Variants in ADGRL2 observed in about 807,000 individuals in gnomAD.
The protein encoded by ADGRL2 is calcium-independent alpha-latrotoxin receptor 2.
ADGRL2 carries 44 observed loss-of-function variants against 157.4 expected under a neutral mutation model. The ratio of observed to expected loss-of-function variants is 0.28; its 90% CI spans 0.22 to 0.36. ADGRL2 has a LOEUF of 0.36. Among genes scored for constraint, ADGRL2 ranks in the 10% least tolerant of loss-of-function variants. ADGRL2 has a pLI of 1.00. For missense variants in ADGRL2, 1,510 were observed against 1,768.9 expected, an observed-to-expected ratio of 0.85 and a Z score of 2.63; for synonymous variants, 585 against 624.7, an observed-to-expected ratio of 0.94 and a Z score of 0.95.
intron 1 of ADGRL2, among the ~76,000 whole-genome samples, chr1:81,703,852 TTTTG>T (rs1057038928): frequency 6.6e-6 from 1 of 152,260 alleles, no homozygotes; most frequent in African/African-American, 2.4e-5. Flanking sequence ...TAATGGGTTC[TTTTG>T]TTTGTTTGTT....
rs371079975 is a variant in ADGRL2 at position 81,767,160 on chromosome 1, T to G, written c.-101+5308T>G. Among the ~76,000 whole-genome samples the G allele has an allele frequency of 3.4e-4, 52 of 152,348 alleles. 2 individuals carry two copies. The highest frequency in any genetic ancestry group is 3.3e-3 in the East Asian group (17 of 5,186). Reference sequence around the variant, plus strand: ...ATTAAGATCTTGAGTTTCAACACTTTGAAGCACATGGCTATAATTCATTAG... The same window carrying G: ...ATTAAGATCTTGAGTTTCAACACTTGGAAGCACATGGCTATAATTCATTAG... On this transcript the variant is annotated intron_variant, in intron 2 of 20. Coordinates refer to the ADGRL2 transcript ENST00000359929.
At position 81,479,503 on chromosome 1, in the gene ADGRL2, C is replaced by T. The variant is rs2078341807; in HGVS notation, c.-248+34414C>T. Among the ~76,000 whole-genome samples the T allele has an allele frequency of 3.3e-5, 5 of 151,900 alleles. No individual in the cohort carries two copies. In the South Asian group the frequency reaches 1.0e-3, roughly 32 times the overall value. Reference sequence around the variant, plus strand: ...CTGAAAAATAAAAAAAAAGAAATTTCTTCTTAAACGCCTTTAGATACTCTG... The same window carrying T: ...CTGAAAAATAAAAAAAAAGAAATTTTTTCTTAAACGCCTTTAGATACTCTG... On this transcript the variant is annotated intron_variant, in intron 2 of 24. Transcript: ENST00000370721.
intron 2 of ADGRL2, among the ~76,000 whole-genome samples, chr1:81,791,194 G>A (rs1207306249): frequency 1.3e-5 from 2 of 151,148 alleles, no homozygotes; most frequent in East Asian, 3.9e-4. Flanking sequence ...TAAAATTTAA[G>A]GCATCTTTTA....
At position 81,938,867 on chromosome 1, in the gene ADGRL2, T is replaced by C. The variant is rs139180913; in HGVS notation, c.397+2030T>C. On this transcript the variant is annotated intron_variant, in intron 4 of 23. Transcript: ENST00000686636. Reference sequence around the variant, plus strand: ...TTTTGTTTCTTTCTACCTCTGTCCATTGTATTCATTCCTTATACTTTCTTT... The same window carrying C: ...TTTTGTTTCTTTCTACCTCTGTCCACTGTATTCATTCCTTATACTTTCTTT... Among the ~76,000 whole-genome samples the C allele has an allele frequency of 1.0e-3, 157 of 151,776 alleles. 1 individual carries two copies. The highest frequency in any genetic ancestry group is 3.6e-3 in the African/African-American group (151 of 41,526).
intron 10 of ADGRL2, among the ~76,000 whole-genome samples, chr1:81,953,591 A>G (rs936778306): frequency 1.3e-5 from 2 of 152,172 alleles, no homozygotes; most frequent in African/African-American, 4.8e-5. Context: ...TTATCAAGCT[A>G]ATAGGAACAG....
chr1:81,694,777 G>A (rs956322313), upstream of ADGRL2, among the ~76,000 whole-genome samples: 45 of 152,178 alleles, frequency 3.0e-4, no homozygotes, highest in African/African-American at 1.0e-3. Flanking sequence ...CTACTGTGCT[G>A]TGGCTTCCAG....
In ADGRL2 at chr1:81,578,873, A is replaced by G. The variant is rs190112227; in HGVS notation, c.-247-2003A>G. Among the ~76,000 whole-genome samples, 529 of 152,316 alleles carry G rather than the reference A, an allele frequency of 3.5e-3. 1 individual carries two copies. The highest frequency in any genetic ancestry group is 5.8e-3 in the Non-Finnish European group (395 of 68,014). On this transcript the variant is annotated intron_variant, in intron 2 of 24. Transcript: ENST00000370721. ...CACAAGCATAATTTGGTTTTTTTAA[A>G]AAATATGATTTACATATGGCACTTG...
chr1:81,744,353 C>T (rs931616789), intron 1 of ADGRL2, among the ~76,000 whole-genome samples: 47 of 152,154 alleles, frequency 3.1e-4, no homozygotes, highest in African/African-American at 8.9e-4. Flanking sequence ...AATGAAAAAC[C>T]GATGAATACA....
chr1:81,576,010 A>G (rs1394268517), intron 2 of ADGRL2, among the ~76,000 whole-genome samples: 1 of 152,134 alleles, frequency 6.6e-6, no homozygotes, highest in Non-Finnish European at 1.5e-5. Context: ...TCTCTTCTTC[A>G]ACAGATGAAA....
intron 2 of ADGRL2, among the ~76,000 whole-genome samples, chr1:81,763,983 G>A (rs947973587): frequency 6.6e-6 from 1 of 151,940 alleles, no homozygotes; most frequent in Admixed American, 6.6e-5. Context: ...TCCAACCTGG[G>A]CGACAGTGAG....
At chr1:81,630,031 T>G (rs945647507) in intron 3 of ADGRL2, among the ~76,000 whole-genome samples, 4 of 152,106 alleles carry the variant, frequency 2.6e-5, no homozygotes, top group Non-Finnish European at 5.9e-5. Context: ...GGCATATATA[T>G]AGACACATAC....
intron 2 of ADGRL2, among the ~76,000 whole-genome samples, chr1:81,893,959 A>C (rs756595370): frequency 1.6e-4 from 25 of 152,208 alleles, no homozygotes; most frequent in Non-Finnish European, 1.6e-4. Flanking sequence ...AATCAAAGTC[A>C]TTACATTGTC....
intron 3 of ADGRL2, among the ~76,000 whole-genome samples, chr1:81,623,252 T>G (rs995922868): frequency 1.3e-5 from 2 of 152,216 alleles, no homozygotes; most frequent in Admixed American, 1.3e-4. Context: ...CAATGAAAGT[T>G]ACAAGACATT....
chr1:81,307,589 C>A (rs72713418), intron 1 of ADGRL2, among the ~76,000 whole-genome samples: 2,148 of 152,128 alleles, frequency 0.014, 25 homozygotes, highest in South Asian at 0.023. Context: ...TGACATGTGG[C>A]TATGACAAGG....
chr1:81,494,595 G>C (rs2078695294), intron 2 of ADGRL2, among the ~76,000 whole-genome samples: 1 of 152,036 alleles, frequency 6.6e-6, no homozygotes, highest in African/African-American at 2.4e-5. Flanking sequence ...ACAGCACTTT[G>C]GTGCCAAAGT....
intron 4 of ADGRL2, among the ~76,000 whole-genome samples, chr1:81,938,529 A>C (rs1181702501): frequency 6.6e-6 from 1 of 151,752 alleles, no homozygotes; most frequent in African/African-American, 2.4e-5. Context: ...TTGTGCACTA[A>C]ACTTGCAAAT....
At chr1:81,755,146 G>GTT (rs1365479706) in intron 1 of ADGRL2, among the ~76,000 whole-genome samples, 15 of 102,738 alleles carry the variant, frequency 1.5e-4, no homozygotes, top group East Asian at 7.9e-4. Flanking sequence ...ATATATATGT[G>GTT]TTTATATATA....
intron 2 of ADGRL2, among the ~76,000 whole-genome samples, chr1:81,779,371 A>G (rs1286418903): frequency 1.4e-5 from 2 of 146,852 alleles, no homozygotes. Flanking sequence ...AAGAAACATA[A>G]AAGAATAAAG....
At chr1:81,770,144 T>C (rs1164389879) in intron 2 of ADGRL2, among the ~76,000 whole-genome samples, 1 of 137,698 alleles carries the variant, frequency 7.3e-6, no homozygotes, top group Non-Finnish European at 1.5e-5. Flanking sequence ...CATGAGCCAC[T>C]GCACCCAGCT....
Sources: gnomAD v4.1 joint callset for allele counts (sites outside exome capture counted in the v4.1 genomes callset) on GRCh38, gnomAD v4.1.1 for gene constraint, MANE v1.5 for transcripts, NCBI Gene and HGNC (gene_info 2026-07-23, HGNC 2026-07-21) for gene names.